The following COL5A2 variants were observed in gnomAD, a reference collection of about 807,000 sequenced individuals.
COL5A2 encodes collagen alpha-2(V) chain.
COL5A2 carries 23 observed loss-of-function variants against 208.2 expected under a neutral mutation model. The ratio of observed to expected loss-of-function variants is 0.11; its 90% confidence interval spans 0.08 to 0.16. COL5A2 has a LOEUF of 0.16. COL5A2 is among the 10% of genes least tolerant of loss of function. The probability of loss-of-function intolerance (pLI) is 1.00; values close to 1 mark genes in which losing one functional copy is unlikely to be tolerated. For missense variants in COL5A2, 1,590 were observed against 1,956.4 expected (o/e 0.81, Z 3.53); for synonymous variants, 625 against 628.5 (o/e 0.99, Z 0.08).
chr2:189,437,717 C>A, the COL5A2 span, among the ~76,000 whole-genome samples: 1 of 151,974 alleles, frequency 6.6e-6, no homozygotes, highest in African/African-American at 2.4e-5. Flanking sequence ...CATAGGAAAC[C>A]TAAGAAGAGA....
the COL5A2 span, among the ~76,000 whole-genome samples, chr2:189,369,268 T>C: frequency 2.0e-5 from 3 of 151,956 alleles, no homozygotes; most frequent in South Asian, 6.2e-4. Flanking sequence ...GACTGTCAAG[T>C]TTTTTTTATT....
the COL5A2 span, among the ~76,000 whole-genome samples, chr2:189,341,873 A>G: frequency 6.6e-6 from 1 of 152,178 alleles, no homozygotes; most frequent in Non-Finnish European, 1.5e-5. Context: ...GAAATTTGTT[A>G]ATATAATTTC....
At chr2:189,287,029 T>C in the COL5A2 span, among the ~76,000 whole-genome samples, 1 of 152,064 alleles carries the variant, frequency 6.6e-6, no homozygotes, top group Non-Finnish European at 1.5e-5. Flanking sequence ...AAAGATATGG[T>C]TTATACTTTT....
chr2:189,060,439 T>C (rs1025580791), intron 31 of COL5A2, among the ~76,000 whole-genome samples: 1 of 152,218 alleles, frequency 6.6e-6, no homozygotes, highest in Non-Finnish European at 1.5e-5. Context: ...AAATTGTTAG[T>C]ATTTGTCCAT....
the COL5A2 span, among the ~76,000 whole-genome samples, chr2:189,259,385 T>C: frequency 3.9e-5 from 6 of 152,242 alleles, 1 homozygote; most frequent in Admixed American, 3.3e-4. Context: ...ATGATTGTTC[T>C]ACTTCACTAT....
At chr2:189,062,184 A>AT (rs11322627) in intron 29 of COL5A2, among the ~76,000 whole-genome samples, 39 of 131,180 alleles carry the variant, frequency 3.0e-4, no homozygotes, top group African/African-American at 1.0e-3. Context: ...ACCTTAAATA[A>AT]TTTTTTTTTT....
intron 1 of COL5A2, among the ~76,000 whole-genome samples, chr2:189,111,767 A>G (rs1461060308): frequency 2.0e-5 from 3 of 152,190 alleles, no homozygotes; most frequent in Non-Finnish European, 4.4e-5. Context: ...TAGAATGAGT[A>G]TTAATTTTTT....
intron 1 of COL5A2, among the ~76,000 whole-genome samples, chr2:189,116,702 G>C (rs7557599): frequency 0.024 from 3,661 of 152,212 alleles, 160 homozygotes; most frequent in African/African-American, 0.084. Context: ...CTGGTTTTAG[G>C]ATAGTTATCC....
At chr2:189,388,586 G>A in the COL5A2 span, among the ~76,000 whole-genome samples, 15 of 152,304 alleles carry the variant, frequency 9.8e-5, 1 homozygote, top group South Asian at 4.1e-4. Context: ...GGCTTTCAAA[G>A]CAGAAGTGTG....
At chr2:189,343,260 A>C in the COL5A2 span, among the ~76,000 whole-genome samples, 1 of 152,120 alleles carries the variant, frequency 6.6e-6, no homozygotes, top group African/African-American at 2.4e-5. Flanking sequence ...GAATTAGACA[A>C]AATTATTCTT....
the COL5A2 span, among the ~76,000 whole-genome samples, chr2:189,353,374 T>C: frequency 1.3e-5 from 2 of 152,240 alleles, no homozygotes; most frequent in African/African-American, 4.8e-5. Context: ...TATAAATTAC[T>C]TTGGGCAACG....
chr2:189,184,022 C>T (rs1356165), upstream of COL5A2, among the ~76,000 whole-genome samples: 91,479 of 151,988 alleles, frequency 0.6, 28,406 homozygotes, highest in East Asian at 0.72. Context: ...ACTAAGGATA[C>T]ATAGCTGTGA....
Position 189,051,491 on chromosome 2 carries a change from CAAAG to C in COL5A2, c.2770-14_2770-11del, listed in dbSNP as rs1408611496. 22 of 1,594,080 alleles carry C rather than the reference CAAAG, an allele frequency of 1.4e-5. No individual in the cohort carries two copies. In the Middle Eastern group the frequency reaches 2.6e-3, roughly 189 times the overall value. ...CAGGTCCTGGAGCTCCCTAGTATAA[CAAAG>C]AAAGAAACACCAAGGAGGGCAAAAT... is the stretch of plus-strand genomic sequence containing the variant. On this transcript the variant is annotated splice_polypyrimidine_tract_variant and intron_variant, in intron 41 of 53. Coordinates refer to ENST00000374866, the MANE Select transcript of COL5A2 (RefSeq NM_000393.5).
chr2:189,209,369 G>A (rs553861592), intron 1 of COL5A2, among the ~76,000 whole-genome samples: 66 of 152,250 alleles, frequency 4.3e-4, no homozygotes, highest in African/African-American at 1.5e-3. Context: ...GTGGCTATCC[G>A]AGTGAAGATT....
At chr2:189,241,685 G>A in the COL5A2 span, among the ~76,000 whole-genome samples, 3 of 152,062 alleles carry the variant, frequency 2.0e-5, no homozygotes, top group East Asian at 1.9e-4. Context: ...AACGTTGTTC[G>A]AGAAAATAAT....
the COL5A2 span, among the ~76,000 whole-genome samples, chr2:189,313,771 G>A: frequency 5.3e-4 from 81 of 151,936 alleles, no homozygotes; most frequent in East Asian, 0.012. Context: ...ATGGAAAACA[G>A]AAAAAAATCA....
chr2:189,383,947 C>T, the COL5A2 span, among the ~76,000 whole-genome samples: 1 of 152,136 alleles, frequency 6.6e-6, no homozygotes, highest in African/African-American at 2.4e-5. Flanking sequence ...AACCATCATT[C>T]TACTCTTTAT....
At chr2:189,057,931 G>A (rs571285766) in intron 33 of COL5A2, among the ~76,000 whole-genome samples, 1 of 152,236 alleles carries the variant, frequency 6.6e-6, no homozygotes, top group South Asian at 2.1e-4. Flanking sequence ...TTATACTGAA[G>A]TTGGCCACAT....
the COL5A2 span, among the ~76,000 whole-genome samples, chr2:189,435,654 A>G: frequency 4.6e-5 from 7 of 152,166 alleles, no homozygotes; most frequent in Non-Finnish European, 8.8e-5. Flanking sequence ...TTAGAATGAC[A>G]ATCATTAAAA....
Sources: gnomAD v4.1 joint callset for allele counts (sites outside exome capture counted in the v4.1 genomes callset) on GRCh38, gnomAD v4.1.1 for gene constraint, MANE v1.5 for transcripts, NCBI Gene and HGNC (gene_info 2026-07-23, HGNC 2026-07-21) for gene names.